The following WWOX variants were observed in gnomAD, a reference collection of about 807,000 sequenced individuals.
The protein encoded by WWOX is WW domain containing oxidoreductase.
WWOX carries 69 observed loss-of-function variants against 46.2 expected under a neutral mutation model. The ratio of observed to expected loss-of-function variants is 1.49; its 90% CI spans 1.23 to 1.82. The LOEUF is 1.82. Among genes scored for constraint, WWOX ranks in the 40% most tolerant of loss-of-function variants. The pLI is 0.00. For synonymous variants in WWOX, 359 were observed against 202.6 expected, an observed-to-expected ratio of 1.77 and a Z score of -6.56; for missense variants, 919 against 542.6, an observed-to-expected ratio of 1.69 and a Z score of -6.89.
chr16:78,734,547 A>G (rs2142394276), intron 8 of WWOX, among the ~76,000 whole-genome samples: 1 of 152,252 alleles, frequency 6.6e-6, no homozygotes, highest in Middle Eastern at 3.4e-3. Flanking sequence ...ACCTCACTGA[A>G]CTTGAGAGCA....
intron 8 of WWOX, among the ~76,000 whole-genome samples, chr16:78,609,866 C>T (rs1049668813): frequency 1.3e-5 from 2 of 152,194 alleles, no homozygotes; most frequent in Admixed American, 6.5e-5. Flanking sequence ...TGTCTAATTT[C>T]AACCTTTTCT....
intron 8 of WWOX, among the ~76,000 whole-genome samples, chr16:79,049,363 G>C (rs866736708): frequency 6.6e-6 from 1 of 152,176 alleles, no homozygotes; most frequent in Admixed American, 6.5e-5. Flanking sequence ...GGATTTATTC[G>C]GCACAATTGA....
intron 8 of WWOX, among the ~76,000 whole-genome samples, chr16:78,443,376 C>T (rs113169812): frequency 1.5e-3 from 225 of 152,210 alleles, no homozygotes; most frequent in African/African-American, 3.3e-3. Flanking sequence ...ACACAATGCT[C>T]ATCAGAACTC....
intron 7 of WWOX, among the ~76,000 whole-genome samples, chr16:78,427,359 C>T (rs2083106452): frequency 6.6e-6 from 1 of 152,044 alleles, no homozygotes; most frequent in South Asian, 2.1e-4. Flanking sequence ...TTCTGCATAC[C>T]TAAAATACAT....
At chr16:78,386,602 G>A (rs568253194) in intron 5 of WWOX, among the ~76,000 whole-genome samples, 167 of 152,026 alleles carry the variant, frequency 1.1e-3, no homozygotes, top group African/African-American at 3.6e-3. Flanking sequence ...TCTTTTGCGC[G>A]GCTGAAACAC....
chr16:78,979,675 C>T (rs1361658634), intron 8 of WWOX, among the ~76,000 whole-genome samples: 1 of 152,152 alleles, frequency 6.6e-6, no homozygotes, highest in Non-Finnish European at 1.5e-5. Context: ...CAGTACCCAT[C>T]TCTCAGAGCC....
intron 8 of WWOX, among the ~76,000 whole-genome samples, chr16:78,709,715 T>C (rs1378250680): frequency 2.7e-5 from 4 of 149,606 alleles, no homozygotes; most frequent in African/African-American, 7.4e-5. Context: ...GGGCCTCTTC[T>C]TCCAAAGCAA....
chr16:79,028,224 C>T (rs1337457197), intron 8 of WWOX, among the ~76,000 whole-genome samples: 1 of 151,856 alleles, frequency 6.6e-6, no homozygotes, highest in East Asian at 1.9e-4. Flanking sequence ...GCTGGGATTA[C>T]AGGCGTGAGC....
intron 8 of WWOX, among the ~76,000 whole-genome samples, chr16:79,005,926 G>T (rs1423556440): frequency 6.6e-6 from 1 of 152,148 alleles, no homozygotes; most frequent in African/African-American, 2.4e-5. Context: ...CTGGTCCCTG[G>T]GAGAAACCCA....
intron 8 of WWOX, among the ~76,000 whole-genome samples, chr16:78,690,151 G>A (rs1382832173): frequency 6.6e-6 from 1 of 152,028 alleles, no homozygotes; most frequent in Admixed American, 6.5e-5. Context: ...GTGAGCCACC[G>A]AGCCCGGCCA....
intron 8 of WWOX, among the ~76,000 whole-genome samples, chr16:79,011,638 A>G (rs1049150297): frequency 1.3e-5 from 2 of 151,384 alleles, no homozygotes; most frequent in East Asian, 2.0e-4. Flanking sequence ...GACTACTGTG[A>G]TGTGCCACCA....
chr16:78,231,941 A>G (rs1217054402), intron 5 of WWOX, among the ~76,000 whole-genome samples: 1 of 152,078 alleles, frequency 6.6e-6, no homozygotes, highest in African/African-American at 2.4e-5. Context: ...GTTTTTATTT[A>G]ATCATTCAGT....
chr16:78,588,030 G>A (rs752974905), intron 8 of WWOX, among the ~76,000 whole-genome samples: 1 of 152,226 alleles, frequency 6.6e-6, no homozygotes, highest in Non-Finnish European at 1.5e-5. Flanking sequence ...ATTCAGTTCA[G>A]CATTATGAAG....
At position 79,000,255 on chromosome 16, in the gene WWOX, C is replaced by A. The variant is rs117247593; in HGVS notation, c.1057-211353C>A. ...CCAGCTTTGCCTGGCAAATTCTCCTCCTTCCTTTAGATCCCATCTCTGGTA... is the reference window on the plus strand; with the variant it reads ...CCAGCTTTGCCTGGCAAATTCTCCTACTTCCTTTAGATCCCATCTCTGGTA... On this transcript the variant is annotated intron_variant, in intron 8 of 8. Coordinates refer to ENST00000566780, the MANE Select transcript of WWOX (RefSeq NM_016373.4). 7.1e-3 allele frequency among the ~76,000 whole-genome samples: 1,079 copies of A among 152,276 alleles called. 7 individuals are homozygous for A. The highest frequency in any genetic ancestry group is 0.012 in the Non-Finnish European group (824 of 68,030).
chr16:78,635,000 C>A (rs1186541483), intron 8 of WWOX, among the ~76,000 whole-genome samples: 1 of 152,062 alleles, frequency 6.6e-6, no homozygotes, highest in East Asian at 1.9e-4. Context: ...AGCTTCAGCC[C>A]CATGCTTTCG....
intron 5 of WWOX, among the ~76,000 whole-genome samples, chr16:78,255,033 C>G (rs1407770959): frequency 6.6e-6 from 1 of 152,242 alleles, no homozygotes; most frequent in Non-Finnish European, 1.5e-5. Context: ...GTTTCCAGCA[C>G]AGTTTCCAAC....
At chr16:79,199,607 C>G (rs545582996) in intron 8 of WWOX, among the ~76,000 whole-genome samples, 3 of 152,110 alleles carry the variant, frequency 2.0e-5, no homozygotes, top group African/African-American at 4.8e-5. Context: ...TGCAAGAGTT[C>G]AGCTAAAATT....
intron 8 of WWOX, among the ~76,000 whole-genome samples, chr16:79,194,577 C>T (rs1597463872): frequency 6.6e-6 from 1 of 152,062 alleles, no homozygotes. Flanking sequence ...CAGTGTGGGG[C>T]CTCACCTTAC....
chr16:78,198,949 C>G (rs566951450), intron 5 of WWOX, among the ~76,000 whole-genome samples: 3 of 152,264 alleles, frequency 2.0e-5, no homozygotes, highest in African/African-American at 7.2e-5. Flanking sequence ...TGATCAATCC[C>G]TCTACCTCTT....
Sources: gnomAD v4.1 joint callset for allele counts (sites outside exome capture counted in the v4.1 genomes callset) on GRCh38, gnomAD v4.1.1 for gene constraint, MANE v1.5 for transcripts, NCBI Gene and HGNC (gene_info 2026-07-23, HGNC 2026-07-21) for gene names.